ZC3H12B: variants seen among roughly 807,000 people sequenced by gnomAD.
ZC3H12B encodes the protein probable ribonuclease ZC3H12B.
In ZC3H12B, 7 loss-of-function variants were observed where a neutral mutation model predicts 43.9. The observed-to-expected ratio is 0.16, with a 90% CI of 0.09 to 0.30. ZC3H12B has a LOEUF of 0.30. ZC3H12B is among the 10% of genes least tolerant of loss of function. The pLI is 1.00. For missense variants in ZC3H12B, 475 were observed against 670.2 expected (o/e 0.71, Z 3.22); for synonymous variants, 222 against 241.7 (o/e 0.92, Z 0.76).
chrX:65,231,817 A>G, the ZC3H12B span, among the ~76,000 whole-genome samples: 19 of 111,904 alleles, frequency 1.7e-4, no homozygotes, highest in East Asian at 4.8e-3. Flanking sequence ...ATGTTTTACA[A>G]TCAGATTTCA....
the ZC3H12B span, among the ~76,000 whole-genome samples, chrX:65,335,319 C>G: frequency 9.0e-6 from 1 of 111,396 alleles, no homozygotes; most frequent in African/African-American, 3.3e-5. Flanking sequence ...ATTAAGCTGA[C>G]TTTTAACCAT....
Position 65,408,434 on chromosome X carries a change from G to C in ZC3H12B, n.407+9730G>C, listed in dbSNP as rs997117605. The C allele has an allele frequency of 1.1e-5, 13 of 1,207,180 alleles. 1 individual carries two copies. In the Admixed American group the frequency reaches 2.8e-4, roughly 26 times the overall value. The stretch of plus-strand genomic sequence containing the variant: ...ACGTGCCAAACAGGTGACCATGGCA[G>C]AGTTGAATGCCATCATCGGGCAGCA... On this transcript the variant is annotated intron_variant and non_coding_transcript_variant, in intron 3 of 5. Transcript: ENST00000617377.
the ZC3H12B span, among the ~76,000 whole-genome samples, chrX:65,051,994 T>G: frequency 1.8e-5 from 2 of 110,958 alleles, no homozygotes; most frequent in African/African-American, 6.5e-5. Flanking sequence ...AGTTTCATAA[T>G]AGTGATGTTA....
chrX:65,321,869 C>A, the ZC3H12B span, among the ~76,000 whole-genome samples: 1 of 110,228 alleles, frequency 9.1e-6, no homozygotes, highest in African/African-American at 3.3e-5. Flanking sequence ...AAGAAGGGAG[C>A]AATATCACCG....
At chrX:65,482,274 G>A (rs1353907880) in intron 3 of ZC3H12B, among the ~76,000 whole-genome samples, 1 of 110,246 alleles carries the variant, frequency 9.1e-6, no homozygotes, top group Non-Finnish European at 1.9e-5. Context: ...GATGGGTATA[G>A]GTAGCACAAA....
chrX:65,233,411 A>G, the ZC3H12B span, among the ~76,000 whole-genome samples: 1 of 111,566 alleles, frequency 9.0e-6, no homozygotes, highest in Non-Finnish European at 1.9e-5. Context: ...TTGTGACTAC[A>G]ATGGAATAAA....
chrX:65,139,500 T>G, the ZC3H12B span, among the ~76,000 whole-genome samples: 1 of 112,067 alleles, frequency 8.9e-6, no homozygotes, highest in Non-Finnish European at 1.9e-5. Context: ...TGTGGTATAT[T>G]TTGAAGTCAG....
chrX:65,317,042 G>T, the ZC3H12B span, among the ~76,000 whole-genome samples: 2 of 110,999 alleles, frequency 1.8e-5, no homozygotes, highest in Non-Finnish European at 3.8e-5. Flanking sequence ...AATCAAAAAA[G>T]ACAAAGAATG....
chrX:65,468,857 CT>C (rs1275591786), intron 3 of ZC3H12B, among the ~76,000 whole-genome samples: 7 of 107,834 alleles, frequency 6.5e-5, no homozygotes, highest in African/African-American at 2.4e-4. Flanking sequence ...AATTTTCTCT[CT>C]TTTTTTTTCC....
the ZC3H12B span, among the ~76,000 whole-genome samples, chrX:65,096,149 C>G: frequency 9.9e-6 from 1 of 100,717 alleles, no homozygotes; most frequent in Non-Finnish European, 2.0e-5. Flanking sequence ...GTGCATGTAT[C>G]TTTGTAATCG....
chrX:65,337,476 G>T, the ZC3H12B span, among the ~76,000 whole-genome samples: 1 of 112,261 alleles, frequency 8.9e-6, no homozygotes, highest in African/African-American at 3.2e-5. Flanking sequence ...TAATAATCGA[G>T]TACTACACAT....
the ZC3H12B span, among the ~76,000 whole-genome samples, chrX:65,332,086 C>A: frequency 9.0e-6 from 1 of 110,773 alleles, no homozygotes; most frequent in Non-Finnish European, 1.9e-5. Flanking sequence ...TAGGTCTCAG[C>A]CTTATTTTAC....
rs1569379792 is a variant in ZC3H12B, at chrX:65,373,986, A to ATATATATATATAC, written n.295+4998_295+4999insTACTATATATATA. ...TGTATATATAGTATATATATATACT[A>ATATATATATATAC]TATATATATAGTATATATATATAAC... On this transcript the variant is annotated intron_variant and non_coding_transcript_variant, in intron 2 of 5. Transcript: ENST00000617377. Among the ~76,000 whole-genome samples, 58 of 28,894 alleles carry ATATATATATATAC rather than the reference A, an allele frequency of 2.0e-3. 6 individuals carry two copies. The highest frequency in any genetic ancestry group is 0.013 in the African/African-American group (55 of 4,175). The allele number at this position is 28,894 out of a possible 115,157, so 25.1% of individuals were successfully genotyped here.
At chrX:65,150,296 C>T in the ZC3H12B span, among the ~76,000 whole-genome samples, 1 of 111,149 alleles carries the variant, frequency 9.0e-6, no homozygotes, top group Non-Finnish European at 1.9e-5. Context: ...AATATTTTTT[C>T]AGCACCTACA....
the ZC3H12B span, among the ~76,000 whole-genome samples, chrX:65,143,432 C>T: frequency 3.6e-5 from 4 of 110,884 alleles, no homozygotes; most frequent in Non-Finnish European, 7.5e-5. Context: ...AACCCTTTTT[C>T]TGCCTCTATT....
chrX:65,197,780 TC>T, the ZC3H12B span, among the ~76,000 whole-genome samples: 30 of 112,358 alleles, frequency 2.7e-4, no homozygotes, highest in Non-Finnish European at 5.4e-4. Flanking sequence ...ATTCAATCAC[TC>T]GATCTAGGTT....
chrX:65,294,291 A>G, the ZC3H12B span, among the ~76,000 whole-genome samples: 1 of 111,896 alleles, frequency 8.9e-6, no homozygotes, highest in Non-Finnish European at 1.9e-5. Context: ...AGTCCCTTTC[A>G]GAAAACAAAT....
At chrX:65,430,555 C>T (rs1400449730) in intron 3 of ZC3H12B, among the ~76,000 whole-genome samples, 2 of 91,881 alleles carry the variant, frequency 2.2e-5, no homozygotes, top group Non-Finnish European at 4.2e-5. Flanking sequence ...CAAGTGTTCT[C>T]ATTGTTCAAT....
chrX:65,384,773 C>T (rs1164194525), intron 2 of ZC3H12B, among the ~76,000 whole-genome samples: 2 of 111,885 alleles, frequency 1.8e-5, no homozygotes, highest in African/African-American at 6.5e-5. Flanking sequence ...AAACAGACTT[C>T]CCTTGTAAAG....
Sources: gnomAD v4.1 joint callset for allele counts (sites outside exome capture counted in the v4.1 genomes callset) on GRCh38, gnomAD v4.1.1 for gene constraint, MANE v1.5 for transcripts, NCBI Gene and HGNC (gene_info 2026-07-23, HGNC 2026-07-21) for gene names.